The following PLEKHH2 variants were observed in gnomAD, a reference collection of about 807,000 sequenced individuals.
The protein encoded by PLEKHH2 is pleckstrin homology domain-containing family H member 2.
PLEKHH2 carries 129 observed loss-of-function variants against 187.9 expected under a neutral mutation model. The observed-to-expected ratio is 0.69, with a 90% CI of 0.59 to 0.79. The LOEUF is 0.79. PLEKHH2 is among the 30% of genes least tolerant of loss of function. The pLI is 0.00. For synonymous variants in PLEKHH2, 686 were observed against 605.6 expected, an observed-to-expected ratio of 1.13 and a Z score of -1.95; for missense variants, 2,076 against 1,751.2, an observed-to-expected ratio of 1.19 and a Z score of -3.31.
intron 10 of PLEKHH2, 64 bp from the exon 11 acceptor site, chr2:43,707,337 C>T (rs899780440): frequency 1.3e-5 from 20 of 1,588,550 alleles, no homozygotes; most frequent in Non-Finnish European, 1.5e-5. Context: ...TAACTAGCAG[C>T]CTTTTCTTGG....
chr2:43,659,364 CT>C (rs1051542983), intron 2 of PLEKHH2, among the ~76,000 whole-genome samples: 6 of 147,260 alleles, frequency 4.1e-5, no homozygotes, highest in East Asian at 4.0e-4. Context: ...TGTTTTTCTT[CT>C]TTTTTTTTTC....
Position 43,757,152 on chromosome 2 carries a change from A to C in PLEKHH2, c.3829A>C (p.Thr1277Pro). 7 of 1,591,272 alleles carry C rather than the reference A, an allele frequency of 4.4e-6. No individual in the cohort carries two copies. The highest frequency in any genetic ancestry group is 6.0e-6 in the Non-Finnish European group (7 of 1,171,966). ...EIGDFERPFS[T>P]PAGHVTNQCK... Reference sequence around the variant, plus strand: ...TGGAGATTTTGAAAGACCTTTCTCAACTCCAGCAGGGCATGTTACCAATCA... The same window carrying C: ...TGGAGATTTTGAAAGACCTTTCTCACCTCCAGCAGGGCATGTTACCAATCA... Residue 1277 changes from threonine (T) to proline (P), a missense_variant, in exon 26 of 30, where the codon ACT (threonine) becomes CCT (proline). Coordinates refer to ENST00000282406, the MANE Select transcript of PLEKHH2 (RefSeq NM_172069.4).
chr2:43,739,393 C>T (rs1047665330), intron 20 of PLEKHH2, among the ~76,000 whole-genome samples: 1 of 152,152 alleles, frequency 6.6e-6, no homozygotes, highest in African/African-American at 2.4e-5. Flanking sequence ...GTTTACTCTT[C>T]AATGAACACC....
At chr2:43,654,937 G>A (rs12624140) in intron 2 of PLEKHH2, among the ~76,000 whole-genome samples, 3 of 151,754 alleles carry the variant, frequency 2.0e-5, no homozygotes, top group Admixed American at 1.3e-4. Context: ...TGAGGCGGGG[G>A]TATTGCTTGA....
chr2:43,737,434 C>A (rs905342720), intron 19 of PLEKHH2, among the ~76,000 whole-genome samples: 2 of 152,138 alleles, frequency 1.3e-5, no homozygotes, highest in Non-Finnish European at 2.9e-5. Flanking sequence ...AAAATTTCCC[C>A]AACACTTAGT....
intron 9 of PLEKHH2, among the ~76,000 whole-genome samples, chr2:43,704,384 G>A (rs373469837): frequency 5.3e-5 from 8 of 152,132 alleles, no homozygotes; most frequent in Admixed American, 2.0e-4. Flanking sequence ...AAGATGGGCC[G>A]GGCACGGTGG....
chr2:43,649,350 G>C (rs573649883), intron 2 of PLEKHH2, among the ~76,000 whole-genome samples: 5 of 152,186 alleles, frequency 3.3e-5, no homozygotes, highest in African/African-American at 7.2e-5. Flanking sequence ...TAGATTTTCG[G>C]TGAAAAGGAA....
At position 43,643,708 on chromosome 2, in the gene PLEKHH2, C is replaced by T. The variant is rs182893059; in HGVS notation, c.-3-963C>T. Among the ~76,000 whole-genome samples the T allele has an allele frequency of 2.3e-3, 350 of 152,168 alleles. 2 individuals carry two copies. The highest frequency in any genetic ancestry group is 7.3e-3 in the African/African-American group (304 of 41,548). ...GGCTTTCCATTCCTAATGTAAATTT[C>T]ATAGCAGGGCAGTTCATAGCAAGGG... On this transcript the variant is annotated intron_variant, in intron 1 of 29. Coordinates refer to ENST00000282406, the MANE Select transcript of PLEKHH2 (RefSeq NM_172069.4).
rs749963999 is a variant in PLEKHH2, at chr2:43,743,942, G to C, written c.3508G>C (p.Asp1170His). ...GTCTGGATTTGCGTTGTTCACTGAC[G>C]ATCCTTCTGGCAGAGATTTAGAGCA... is the stretch of plus-strand genomic sequence containing the variant. Reference protein sequence around the residue: ...AQSGFALFTDDPSGRDLEHCL... With the variant: ...AQSGFALFTDHPSGRDLEHCL... The change falls in exon 23 of 30, where the codon GAT (aspartate) becomes CAT (histidine). Residue 1170 changes from aspartate to histidine, a missense_variant. Transcript: ENST00000282406. 1 of 1,614,044 alleles carries C rather than the reference G, an allele frequency of 6.2e-7. No individual in the cohort carries two copies. The highest frequency in any genetic ancestry group is 8.5e-7 in the Non-Finnish European group (1 of 1,179,966).
chr2:43,704,466 C>T (rs191988052), intron 9 of PLEKHH2, among the ~76,000 whole-genome samples: 1 of 151,870 alleles, frequency 6.6e-6, no homozygotes, highest in African/African-American at 2.4e-5. Flanking sequence ...TCAAGACCAT[C>T]CTGGCTAACA....
intron 2 of PLEKHH2, among the ~76,000 whole-genome samples, chr2:43,668,613 A>G (rs1342915080): frequency 6.6e-6 from 1 of 152,168 alleles, no homozygotes. Flanking sequence ...AATAATTGCA[A>G]TTCTTTCTTC....
chr2:43,700,001 A>G lies in PLEKHH2; in HGVS notation c.1043A>G (p.His348Arg), dbSNP rs564341903. ...EETFGIKRPE[H>R]KKLYSWQQEA... is the part of the protein sequence containing the mutation. ...ACTTTTGGCATAAAGAGACCAGAAC[A>G]CAAGAAGCTATATTCTTGGCAGCAG... Residue 348 changes from histidine (H) to arginine (R), a missense_variant, in exon 8 of 30, where the codon CAC (histidine) becomes CGC (arginine). Coordinates refer to ENST00000282406, the MANE Select transcript of PLEKHH2 (RefSeq NM_172069.4). The G allele has an allele frequency of 3.0e-5, 48 of 1,614,222 alleles. No individual in the cohort carries two copies. The highest frequency in any genetic ancestry group is 1.7e-6 in the Non-Finnish European group (2 of 1,180,040).
chr2:43,754,603 G>A (rs572081061), intron 25 of PLEKHH2, among the ~76,000 whole-genome samples: 3 of 152,270 alleles, frequency 2.0e-5, no homozygotes, highest in African/African-American at 7.2e-5. Context: ...TTAAGAAGGA[G>A]AGAATGGTCA....
intron 2 of PLEKHH2, among the ~76,000 whole-genome samples, chr2:43,666,917 G>A (rs539896705): frequency 1.1e-4 from 16 of 152,062 alleles, no homozygotes; most frequent in African/African-American, 3.6e-4. Flanking sequence ...GTAAGTATTG[G>A]CTTAGTAATA....
chr2:43,675,652 A>G, intron 2 of PLEKHH2: 1 of 1,613,958 alleles, frequency 6.2e-7, no homozygotes, highest in Non-Finnish European at 8.5e-7. Flanking sequence ...TGCATATTTC[A>G]GGCATATTGC....
In PLEKHH2 at chr2:43,750,500, G is replaced by A. The variant is rs754031431; in HGVS notation, c.3654-3119G>A. ...TGTCTCAAAAAAAAAAAAAGAGAGA[G>A]AGAGACTCTCATGATTCCAGAGACC... On this transcript the variant is annotated intron_variant, in intron 24 of 29. Coordinates refer to ENST00000282406, the MANE Select transcript of PLEKHH2 (RefSeq NM_172069.4). Among the ~76,000 whole-genome samples the A allele has an allele frequency of 7.3e-5, 11 of 151,688 alleles. No homozygotes were observed. In the South Asian group the frequency reaches 2.1e-3, roughly 29 times the overall value.
chr2:43,693,722 T>TAAAAAAAAAAA (rs1668947517), intron 4 of PLEKHH2, among the ~76,000 whole-genome samples: 1 of 25,086 alleles, frequency 4.0e-5, no homozygotes. Flanking sequence ...AGACTCCATC[T>TAAAAAAAAAAA]CAAAAAAAAA....
chr2:43,644,155 A>C (rs1033479902), intron 1 of PLEKHH2, among the ~76,000 whole-genome samples: 1 of 152,134 alleles, frequency 6.6e-6, no homozygotes, highest in African/African-American at 2.4e-5. Flanking sequence ...ATTATAGTAA[A>C]AATCCAAACC....
At position 43,757,101 on chromosome 2, in the gene PLEKHH2, T is replaced by C. The variant is rs1394298170; in HGVS notation, c.3796-18T>C. The C allele has an allele frequency of 2.6e-6, 4 of 1,543,654 alleles. No individual in the cohort carries two copies. The highest frequency in any genetic ancestry group is 1.4e-5 in the African/African-American group (1 of 71,106). ...AACTCTTTTCAATATATTTTCACTT[T>C]TGTGGATTTCCAATTAGGTAGAGAT... On this transcript the variant is annotated intron_variant, in intron 25 of 29. Transcript: ENST00000282406.
Sources: allele counts gnomAD v4.1 joint callset (sites outside exome capture counted in the v4.1 genomes callset), GRCh38; gene constraint gnomAD v4.1.1; transcripts MANE v1.5; gene names NCBI Gene and HGNC (gene_info 2026-07-23, HGNC 2026-07-21).